Variants in CRACR2A observed in about 807,000 individuals in gnomAD.
CRACR2A encodes the protein calcium release activated channel regulator 2A.
A neutral mutation model predicts 90.5 loss-of-function variants in CRACR2A; 79 were observed. The observed-to-expected ratio is 0.87, with a 90% CI of 0.73 to 1.05. The LOEUF (loss-of-function observed/expected upper bound fraction) is 1.05, where lower values mean the gene tolerates loss of function less well. Ranked by LOEUF, CRACR2A falls within the 50% of genes least tolerant of loss-of-function variation. The probability of loss-of-function intolerance (pLI) is 0.00; values close to 1 mark genes in which losing one functional copy is unlikely to be tolerated. For synonymous variants in CRACR2A, 338 were observed against 356.7 expected (o/e 0.95, Z 0.59); for missense variants, 823 against 897.2 (o/e 0.92, Z 1.06).
intron 17 of CRACR2A, among the ~76,000 whole-genome samples, chr12:3,626,005 T>C (rs947500411): frequency 1.3e-5 from 2 of 152,222 alleles, no homozygotes; most frequent in Non-Finnish European, 2.9e-5. Context: ...TTTGCTTCCA[T>C]TATTAGTTTG....
intron 11 of CRACR2A, among the ~76,000 whole-genome samples, chr12:3,646,847 T>A (rs1429675635): frequency 6.6e-6 from 1 of 152,204 alleles, no homozygotes; most frequent in Non-Finnish European, 1.5e-5. Context: ...GAAGCCTCAG[T>A]ATTTAAAGAA....
rs7298245 is a variant in CRACR2A at position 3,702,599 on chromosome 12, A to G, written c.-36-5564T>C. ...ATCTGACAAAGGATGTCTAATACTT[A>G]TACACTGAAAGCTATAAAATATCAA... On this transcript the variant is annotated intron_variant, in intron 3 of 19. Transcript: ENST00000440314. Among the ~76,000 whole-genome samples, 459 of 152,374 alleles carry G rather than the reference A, an allele frequency of 3.0e-3. 4 individuals carry two copies. The highest frequency in any genetic ancestry group is 0.01 in the African/African-American group (436 of 41,592).
chr12:3,622,604 G>T (rs1017283694), intron 17 of CRACR2A, among the ~76,000 whole-genome samples: 2 of 152,074 alleles, frequency 1.3e-5, no homozygotes, highest in Non-Finnish European at 2.9e-5. Context: ...GCAGCTGCTG[G>T]GTTTGGTTGG....
chr12:3,615,484 G>T, intron 19 of CRACR2A, 45 bp from the exon 20 acceptor site: 1 of 1,495,564 alleles, frequency 6.7e-7, no homozygotes, highest in East Asian at 2.5e-5. Context: ...GAAGTTGATA[G>T]GCCCAGGGGC....
intron 2 of CRACR2A, among the ~76,000 whole-genome samples, chr12:3,719,427 C>T (rs1168405518): frequency 6.6e-6 from 1 of 152,164 alleles, no homozygotes; most frequent in African/African-American, 2.4e-5. Context: ...GATAGGAAAT[C>T]CTATCCCGGA....
rs1208968299 is a variant in CRACR2A, at chr12:3,679,042, C to A, written c.397G>T (p.Ala133Ser). ...PSQEDAGEQV[A>S]QRHEEKVYLS... ...TACACCTTCTCTTCATGGCGCTGGG[C>A]CACCTGTTCACCTGCATCTTCCTGA... is the stretch of plus-strand genomic sequence containing the variant. Residue 133 changes from alanine to serine, a missense_variant, in exon 6 of 20, where the codon GCC (alanine) becomes TCC (serine). By Grantham distance (99) the Ala-to-Ser change is moderately conservative. Coordinates refer to ENST00000440314, the MANE Select transcript of CRACR2A (RefSeq NM_001144958.2). 6.2e-7 allele frequency: 1 copy of A among 1,613,896 alleles called. No individual in the cohort carries two copies. The highest frequency in any genetic ancestry group is 8.5e-7 in the Non-Finnish European group (1 of 1,179,938).
intron 1 of CRACR2A, among the ~76,000 whole-genome samples, chr12:3,744,979 C>T (rs1357467824): frequency 1.3e-5 from 2 of 152,006 alleles, no homozygotes; most frequent in Non-Finnish European, 2.9e-5. Context: ...AGTGAAGATC[C>T]AAAAACAAAC....
chr12:3,652,836 C>A (rs1027418390), intron 10 of CRACR2A, among the ~76,000 whole-genome samples: 1 of 152,232 alleles, frequency 6.6e-6, no homozygotes, highest in East Asian at 1.9e-4. Context: ...ATAGCAAGTC[C>A]AACTCTTGTA....
At chr12:3,745,743 G>A (rs1009553393) in intron 1 of CRACR2A, among the ~76,000 whole-genome samples, 8 of 116,276 alleles carry the variant, frequency 6.9e-5, no homozygotes, top group Non-Finnish European at 1.2e-4. Context: ...ATGCCATTGC[G>A]CTCCAGCCTG....
At position 3,711,425 on chromosome 12, in the gene CRACR2A, G is replaced by A. The variant is rs1295059023; in HGVS notation, c.-37+1812C>T. Among the ~76,000 whole-genome samples the A allele has an allele frequency of 6.6e-6, 1 of 152,130 alleles. No homozygotes were observed. Among genetic ancestry groups the A allele is most frequent in the African/African-American group, 2.4e-5 (1 of 41,414 alleles). On this transcript the variant is annotated intron_variant, in intron 3 of 19. Transcript: ENST00000440314. The surrounding 1 kb of genome is among the most constrained non-coding windows in gnomAD (Gnocchi z 4.3). ...AAATATCCAATTTCATCACTTGCAG[G>A]TTCTACCTTCTACAAAACACTGATG...
rs905579413 is a variant in CRACR2A, at chr12:3,619,913, G to A, written c.1933-541C>T. ...ATCCAAATCTGCCTCATGGTCTTGC[G>A]CCCACAAGGCTCCATAAATGACTGC... On this transcript the variant is annotated intron_variant, in intron 17 of 19. Transcript: ENST00000440314. 3.9e-5 allele frequency among the ~76,000 whole-genome samples: 6 copies of A among 152,184 alleles called. No individual in the cohort carries two copies. In the East Asian group the frequency reaches 5.8e-4, roughly 15 times the overall value.
At chr12:3,698,600 C>T (rs2137712642) in intron 3 of CRACR2A, among the ~76,000 whole-genome samples, 1 of 152,322 alleles carries the variant, frequency 6.6e-6, no homozygotes, top group South Asian at 2.1e-4. Flanking sequence ...ACATGTAATT[C>T]CCACACTGAC....
At chr12:3,710,605 C>CCCCGTCTCTACTA (rs1435166051) in intron 3 of CRACR2A, among the ~76,000 whole-genome samples, 90 of 152,064 alleles carry the variant, frequency 5.9e-4, no homozygotes, top group Non-Finnish European at 1.2e-4. Flanking sequence ...CCATCCTGGC[C>CCCCGTCTCTACTA]AACATGGTGA....
intron 10 of CRACR2A, among the ~76,000 whole-genome samples, chr12:3,650,627 GGTCCCCCCACCCCACCCTGT>G (rs1944778150): frequency 6.6e-6 from 1 of 152,052 alleles, no homozygotes; most frequent in Non-Finnish European, 1.5e-5. Context: ...TGTGCTTTAG[GGTCCCCCCACCCCACCCTGT>G]GTCCTGCCTC....
rs576149256 is a variant in CRACR2A, at chr12:3,666,838, C to T, written c.671+6608G>A. On this transcript the variant is annotated intron_variant, in intron 7 of 19. Coordinates refer to ENST00000440314, the MANE Select transcript of CRACR2A (RefSeq NM_001144958.2). ...AGAGGGTCTTAGAAAGTCGTCCATT[C>T]CCCTGCCTAGGCTGTAGGCAGGGGT... Among the ~76,000 whole-genome samples the T allele has an allele frequency of 3.9e-5, 6 of 152,346 alleles. No homozygotes were observed. In the East Asian group the frequency reaches 1.2e-3, roughly 29 times the overall value.
intron 12 of CRACR2A, among the ~76,000 whole-genome samples, 178 bp downstream of exon 12, chr12:3,644,417 G>A (rs1305783887): frequency 3.3e-5 from 5 of 152,056 alleles, no homozygotes; most frequent in African/African-American, 7.2e-5. Flanking sequence ...AAATTAACAC[G>A]TTGTTACCCA....
chr12:3,653,948 T>C (rs923228492), intron 10 of CRACR2A, among the ~76,000 whole-genome samples: 2 of 152,240 alleles, frequency 1.3e-5, no homozygotes, highest in Non-Finnish European at 2.9e-5. Context: ...GTTTGCGGAA[T>C]AACATGTCTT....
chr12:3,648,535 G>C lies in CRACR2A; in HGVS notation c.1118+7C>G. 1 of 1,614,162 alleles carries C rather than the reference G, an allele frequency of 6.2e-7. No homozygotes were observed. Among genetic ancestry groups the C allele is most frequent in the Non-Finnish European group, 8.5e-7 (1 of 1,180,032 alleles). ...CTCTCAGCACAGGCCAGTGCCCACC[G>C]ACGCACCTTAGGAAATCCAGCTGCT... is the stretch of plus-strand genomic sequence containing the variant. On this transcript the variant is annotated splice_region_variant and intron_variant, in intron 11 of 19. Coordinates refer to ENST00000440314, the MANE Select transcript of CRACR2A (RefSeq NM_001144958.2).
intron 3 of CRACR2A, among the ~76,000 whole-genome samples, chr12:3,710,510 G>A (rs1261716572): frequency 6.6e-6 from 1 of 152,070 alleles, no homozygotes; most frequent in East Asian, 1.9e-4. Flanking sequence ...AAGATGGGAA[G>A]TTGGCCGGGC....
Sources: gnomAD v4.1 joint callset for allele counts (sites outside exome capture counted in the v4.1 genomes callset) on GRCh38, gnomAD v4.1.1 for gene constraint, Gnocchi (gnomAD v3.1) non-coding constraint, MANE v1.5 for transcripts, NCBI Gene and HGNC (gene_info 2026-07-23, HGNC 2026-07-21) for gene names.